IGF2R: variants seen among roughly 807,000 people sequenced by gnomAD.
IGF2R encodes cation-independent mannose-6-phosphate receptor.
IGF2R carries 91 observed loss-of-function variants against 270.6 expected under a neutral mutation model. That is an observed-to-expected ratio of 0.34 (90% CI 0.28 to 0.40). The LOEUF is 0.40. Ranked by LOEUF, IGF2R falls within the 10% of genes least tolerant of loss-of-function variation. The pLI is 1.00. For missense variants in IGF2R, 2,805 were observed against 3,188.3 expected, an observed-to-expected ratio of 0.88 and a Z score of 2.90; for synonymous variants, 1,316 against 1,258.9, an observed-to-expected ratio of 1.05 and a Z score of -0.96.
chr6:160,065,806 GTGTGTGTGTATATATA>G (rs1334036557), intron 29 of IGF2R, among the ~76,000 whole-genome samples: 11 of 57,546 alleles, frequency 1.9e-4, no homozygotes, highest in African/African-American at 9.3e-4. Flanking sequence ...GTGTGTGTGT[GTGTGTGTGTATATATA>G]TATATATATA....
intron 30 of IGF2R, among the ~76,000 whole-genome samples, chr6:160,068,799 G>A (rs184882187): frequency 6.6e-6 from 1 of 152,318 alleles, no homozygotes; most frequent in East Asian, 1.9e-4. Flanking sequence ...TATCAGGGAA[G>A]ATCAAGTAGG....
intron 1 of IGF2R, among the ~76,000 whole-genome samples, chr6:159,988,863 C>T (rs1783932534): frequency 6.6e-6 from 1 of 152,108 alleles, no homozygotes; most frequent in Admixed American, 6.5e-5. Flanking sequence ...GTGCCTCCCG[C>T]AGTAAGTACT....
At position 160,050,963 on chromosome 6, in the gene IGF2R, T is replaced by C. The variant is rs1438160837; in HGVS notation, c.2694+311T>C. ...TATCTTGCCTCTTAGTTCTTGTGAG[T>C]TGAGGATCGTGGCAGTGGAACGGGG... On this transcript the variant is annotated intron_variant, in intron 19 of 47. Coordinates refer to ENST00000356956, the MANE Select transcript of IGF2R (RefSeq NM_000876.4). The surrounding 1 kb of genome is among the most constrained non-coding windows in gnomAD (Gnocchi z 4.0). Among the ~76,000 whole-genome samples the C allele has an allele frequency of 1.3e-5, 2 of 152,172 alleles. No homozygotes were observed. The highest frequency in any genetic ancestry group is 2.9e-5 in the Non-Finnish European group (2 of 68,024).
chr6:160,059,637 C>T (rs910235061), intron 22 of IGF2R, among the ~76,000 whole-genome samples: 5 of 152,218 alleles, frequency 3.3e-5, no homozygotes, highest in African/African-American at 7.2e-5. Context: ...TCAGAGCCCT[C>T]GGAGGCTCTG....
At chr6:160,079,845 C>T in intron 38 of IGF2R, 58 bp downstream of exon 38, 1 of 1,396,508 alleles carries the variant, frequency 7.2e-7, no homozygotes, top group South Asian at 1.6e-5. Flanking sequence ...AGAAATTAGA[C>T]ATAGCAGCAG....
At chr6:159,992,627 C>A (rs1783996926) in intron 2 of IGF2R, among the ~76,000 whole-genome samples, 1 of 151,106 alleles carries the variant, frequency 6.6e-6, no homozygotes, top group African/African-American at 2.4e-5. Flanking sequence ...CACACACACA[C>A]ACAAACACAC....
chr6:159,985,095 C>T (rs1783862329), intron 1 of IGF2R, among the ~76,000 whole-genome samples: 1 of 152,232 alleles, frequency 6.6e-6, no homozygotes, highest in East Asian at 1.9e-4. Flanking sequence ...TTTATTGAAT[C>T]AAGTTGTGTA....
intron 44 of IGF2R, chr6:160,094,888 A>C (rs1189503726): frequency 1.8e-5 from 2 of 108,476 alleles, no homozygotes; most frequent in Admixed American, 2.4e-4. Context: ...ACAGAGCGAG[A>C]CTCCATCTCA....
intron 47 of IGF2R, 31 bp downstream of exon 47, chr6:160,103,846 C>T (rs886078864): frequency 2.0e-6 from 3 of 1,475,146 alleles, no homozygotes; most frequent in Non-Finnish European, 2.8e-6. Context: ...TCTTGAAGGC[C>T]TGCCTCCCCG....
At chr6:160,065,814 G>GTGTATATATATATATATATATATATATA in intron 29 of IGF2R, among the ~76,000 whole-genome samples, 1 of 78,392 alleles carries the variant, frequency 1.3e-5, no homozygotes, top group African/African-American at 5.6e-5. Flanking sequence ...GTGTGTGTGT[G>GTGTATATATATATATATATATATATATA]TATATATATA....
At chr6:160,073,175 T>A in intron 33 of IGF2R, 38 bp from the exon 34 acceptor site, 1 of 1,601,954 alleles carries the variant, frequency 6.2e-7, no homozygotes, top group Non-Finnish European at 8.5e-7. Context: ...CCATCGAGTC[T>A]GTGATTGTGT....
chr6:160,056,288 G>A, intron 19 of IGF2R, 136 bp from the exon 20 acceptor site: 1 of 659,718 alleles, frequency 1.5e-6, no homozygotes, highest in East Asian at 2.7e-5. Context: ...TGCACATTAA[G>A]TGCCTAGCTT....
At chr6:160,010,614 C>A in intron 3 of IGF2R, 73 bp from the exon 4 acceptor site, 5 of 949,306 alleles carry the variant, frequency 5.3e-6, no homozygotes, top group Non-Finnish European at 8.5e-6. Context: ...GCCTTTACTG[C>A]ATTCTCATTT....
intron 17 of IGF2R, 141 bp from the exon 18 acceptor site, chr6:160,048,234 C>T: frequency 5.0e-6 from 4 of 804,756 alleles, no homozygotes; most frequent in Non-Finnish European, 8.3e-6. Flanking sequence ...GCGTCATGCG[C>T]CCAGACAAGC....
chr6:160,077,393 C>T (rs1778877953), intron 36 of IGF2R, among the ~76,000 whole-genome samples: 1 of 152,154 alleles, frequency 6.6e-6, no homozygotes, highest in East Asian at 1.9e-4. Context: ...CCCACCTCAT[C>T]ATGAGTGATG....
chr6:160,108,272 G>C lies in IGF2R; in HGVS notation c.*3188G>C, dbSNP rs1388085012. 1 of 152,478 alleles carries C rather than the reference G, an allele frequency of 6.6e-6. No homozygotes were observed. The highest frequency in any genetic ancestry group is 1.5e-5 in the Non-Finnish European group (1 of 68,180). 9.4% of individuals were successfully genotyped at this position (152,478 alleles called of 1,614,324 possible). On this transcript the variant is annotated 3_prime_UTR_variant, in exon 48 of 48. Coordinates refer to ENST00000356956, the MANE Select transcript of IGF2R (RefSeq NM_000876.4). ...AGAATGGGGTCAACGGGCAGTCGTG[G>C]TGCAGGTGAGCTTGTGTGCAAGGCG...
At chr6:159,996,106 T>C (rs1784049758) in intron 2 of IGF2R, among the ~76,000 whole-genome samples, 1 of 152,150 alleles carries the variant, frequency 6.6e-6, no homozygotes, top group Admixed American at 6.5e-5. Flanking sequence ...TTGGTTATAG[T>C]TGGCCTTTTT....
In IGF2R at chr6:160,073,774, G is replaced by T; in HGVS notation, c.4965G>T (p.Arg1655Ser). The change falls in exon 35 of 48, where the codon AGG becomes AGT. Residue 1655 changes from arginine to serine, a missense_variant. Physicochemically the swap from Arg to Ser is moderately radical, Grantham distance 110. Around this residue, in one of 2 missense-constraint regions of IGF2R, gnomAD observed 1,851 missense variants for 2,207.2 expected, o/e 0.84. Transcript: ENST00000356956. ...CTTAACAGACCGAATGTTCCGTGAG[G>T]AATGGAAGCTCTATTGTTGACTTGT... ...ACEQATECSV[R>S]NGSSIVDLSP... is the part of the protein sequence containing the mutation. 6.2e-7 allele frequency: 1 copy of T among 1,614,100 alleles called. No individual in the cohort carries two copies. The highest frequency in any genetic ancestry group is 8.5e-7 in the Non-Finnish European group (1 of 1,179,948).
rs76489355 is a variant in IGF2R, at chr6:160,055,104, C to T, written c.2695-1320C>T. ...GGAGGTGTTCTACCCAGGTTGTACA[C>T]ACTCTCCTTGGGTTCACCTGAGCTT... is the stretch of plus-strand genomic sequence containing the variant. On this transcript the variant is annotated intron_variant, in intron 19 of 47. Transcript: ENST00000356956. Among the ~76,000 whole-genome samples the T allele has an allele frequency of 4.0e-3, 603 of 152,266 alleles. 8 individuals are homozygous for T. Among genetic ancestry groups the T allele is most frequent in the African/African-American group, 0.014 (578 of 41,540 alleles).
Sources: gnomAD v4.1 joint callset for allele counts (sites outside exome capture counted in the v4.1 genomes callset) on GRCh38, gnomAD v4.1.1 for gene constraint, gnomAD v4.1.1 regional missense constraint, Gnocchi (gnomAD v3.1) non-coding constraint, MANE v1.5 for transcripts, NCBI Gene and HGNC (gene_info 2026-07-23, HGNC 2026-07-21) for gene names.